APAF1: variants seen among roughly 807,000 people sequenced by gnomAD.
The protein encoded by APAF1 is apoptotic protease-activating factor 1.
APAF1 carries 91 observed loss-of-function variants against 152.4 expected under a neutral mutation model. The ratio of observed to expected loss-of-function variants is 0.60; its 90% CI spans 0.50 to 0.71. The LOEUF is 0.71. APAF1 is among the 30% of genes least tolerant of loss of function. The pLI is 0.00. For missense variants in APAF1, 1,283 were observed against 1,472.0 expected (o/e 0.87, Z 2.10); for synonymous variants, 484 against 494.1 (o/e 0.98, Z 0.27).
At chr12:98,711,648 T>C (rs2097728017) in intron 20 of APAF1, among the ~76,000 whole-genome samples, 1 of 152,236 alleles carries the variant, frequency 6.6e-6, no homozygotes, top group Non-Finnish European at 1.5e-5. Flanking sequence ...ACAACTGATT[T>C]AAGCTTGAGA....
intron 26 of APAF1, among the ~76,000 whole-genome samples, chr12:98,729,900 G>T (rs1020933002): frequency 3.3e-5 from 5 of 152,142 alleles, no homozygotes; most frequent in African/African-American, 1.2e-4. Context: ...AACAAAAGGA[G>T]TAATTTCTAG....
chr12:98,734,162 C>T lies in APAF1; in HGVS notation c.*1596C>T, dbSNP rs991055898. Reference sequence around the variant, plus strand: ...GTTTTCTGTGTAATTCCAGATGAGTCACTGTAACTCTAGAAGATTAACCTT... The same window carrying T: ...GTTTTCTGTGTAATTCCAGATGAGTTACTGTAACTCTAGAAGATTAACCTT... On this transcript the variant is annotated 3_prime_UTR_variant, in exon 27 of 27. Transcript: ENST00000551964. 6.6e-6 allele frequency: 1 copy of T among 152,166 alleles called. No homozygotes were observed. Among genetic ancestry groups the T allele is most frequent in the Admixed American group, 6.5e-5 (1 of 15,278 alleles). The allele number at this position is 152,166 out of a possible 1,614,324, so 9.4% of individuals were successfully genotyped here.
At chr12:98,681,205 G>T (rs2097691885) in intron 14 of APAF1, among the ~76,000 whole-genome samples, 1 of 152,076 alleles carries the variant, frequency 6.6e-6, no homozygotes, top group South Asian at 2.1e-4. Flanking sequence ...GAGATCACAG[G>T]TGTGCACCAC....
chr12:98,697,676 C>T (rs980197445), intron 16 of APAF1, among the ~76,000 whole-genome samples: 32 of 152,098 alleles, frequency 2.1e-4, no homozygotes, highest in African/African-American at 7.5e-4. Context: ...GCTTTCCCAC[C>T]GTGCTGTTAA....
intron 1 of APAF1, among the ~76,000 whole-genome samples, chr12:98,647,577 G>A (rs2097642981): frequency 1.3e-5 from 2 of 151,766 alleles, no homozygotes; most frequent in Admixed American, 1.3e-4. Flanking sequence ...TCACCATCTT[G>A]GCCAGGCTGG....
intron 19 of APAF1, among the ~76,000 whole-genome samples, chr12:98,707,366 CTGTT>C (rs1233674997): frequency 2.0e-5 from 3 of 152,144 alleles, no homozygotes; most frequent in East Asian, 3.9e-4. Flanking sequence ...ACCTGTATCT[CTGTT>C]TGTTGAAATC....
At position 98,667,134 on chromosome 12, in the gene APAF1, G is replaced by T. The variant is rs1190188458; in HGVS notation, c.1363-379G>T. Among the ~76,000 whole-genome samples the T allele has an allele frequency of 7.3e-5, 11 of 151,438 alleles. No homozygotes were observed. In the South Asian group the frequency reaches 1.5e-3, roughly 20 times the overall value. On this transcript the variant is annotated intron_variant, in intron 9 of 26. Coordinates refer to ENST00000551964, the MANE Select transcript of APAF1 (RefSeq NM_181861.2). The stretch of plus-strand genomic sequence containing the variant: ...TGTATTTTTTTTTTTTTGAGACAGG[G>T]TCTTACTGTGTTGCCCAGGCTGGCA...
intron 12 of APAF1, among the ~76,000 whole-genome samples, chr12:98,672,628 T>A (rs1024353749): frequency 1.3e-5 from 2 of 152,172 alleles, no homozygotes; most frequent in African/African-American, 2.4e-5. Context: ...ATCTTACCTT[T>A]CCTTATAAAA....
At chr12:98,705,803 A>G (rs187689494) in intron 18 of APAF1, among the ~76,000 whole-genome samples, 69 of 152,330 alleles carry the variant, frequency 4.5e-4, no homozygotes, top group Middle Eastern at 6.8e-3. Context: ...ATTAGTGGAA[A>G]ATAATCTGAA....
At chr12:98,721,611 T>A (rs756525296) in intron 22 of APAF1, among the ~76,000 whole-genome samples, 2 of 152,226 alleles carry the variant, frequency 1.3e-5, no homozygotes, top group Non-Finnish European at 2.9e-5. Context: ...TCTTAAAATA[T>A]GAAAATTACT....
chr12:98,725,564 G>T, intron 25 of APAF1, 24 bp downstream of exon 25: 1 of 1,613,870 alleles, frequency 6.2e-7, no homozygotes, highest in Non-Finnish European at 8.5e-7. Context: ...TGACATGAGA[G>T]CACTGCTCTT....
At chr12:98,713,046 T>C (rs1402245710) in intron 21 of APAF1, among the ~76,000 whole-genome samples, 1 of 152,182 alleles carries the variant, frequency 6.6e-6, no homozygotes, top group East Asian at 1.9e-4. Context: ...CTTAAACTCT[T>C]GGGCTCAAGT....
At chr12:98,727,096 A>G (rs2097751662) in intron 25 of APAF1, 77 bp from the exon 26 acceptor site, 1 of 1,327,332 alleles carries the variant, frequency 7.5e-7, no homozygotes, top group Non-Finnish European at 1.1e-6. Context: ...ATACATATAT[A>G]TGGACATATA....
In APAF1 at chr12:98,667,496, G is replaced by A. The variant is rs200330421; in HGVS notation, c.1363-17G>A. On this transcript the variant is annotated splice_polypyrimidine_tract_variant and intron_variant, in intron 9 of 26. Transcript: ENST00000551964. The stretch of plus-strand genomic sequence containing the variant: ...TAAAATTGTTTCTGGCTTCTGAAAC[G>A]TTTCATTGGGTTGCAGGATCTACAT... The A allele has an allele frequency of 1.6e-5, 26 of 1,612,426 alleles. 1 individual carries two copies. In the Admixed American group the frequency reaches 1.8e-4, roughly 11 times the overall value.
chr12:98,651,713 G>T (rs567875437), intron 4 of APAF1, among the ~76,000 whole-genome samples: 39 of 152,128 alleles, frequency 2.6e-4, no homozygotes, highest in African/African-American at 9.2e-4. Context: ...CAGGCTGAGT[G>T]CAGTGGCCAT....
intron 5 of APAF1, among the ~76,000 whole-genome samples, chr12:98,661,819 A>T (rs2097665775): frequency 6.6e-6 from 1 of 151,984 alleles, no homozygotes; most frequent in Non-Finnish European, 1.5e-5. Flanking sequence ...TTGTATAATT[A>T]TGCTATCAGG....
At chr12:98,702,731 A>G (rs2097716933) in intron 17 of APAF1, among the ~76,000 whole-genome samples, 1 of 151,894 alleles carries the variant, frequency 6.6e-6, no homozygotes. Flanking sequence ...AGGCTGAGGC[A>G]GGAGAATTGC....
chr12:98,654,432 TA>T (rs2097653743), intron 4 of APAF1, among the ~76,000 whole-genome samples: 1 of 152,200 alleles, frequency 6.6e-6, no homozygotes, highest in Non-Finnish European at 1.5e-5. Flanking sequence ...TATTTTATTT[TA>T]TTTTGAGACA....
Position 98,662,769 on chromosome 12 carries a change from G to T in APAF1, c.918G>T (p.Leu306Phe). ...SLFVNMKKADLPEQAHSIIKE... is the reference protein window; with the variant it reads ...SLFVNMKKADFPEQAHSIIKE... ...TTGTTAATATGAAGAAGGCAGATTTGCCAGAACAAGCTCATAGTATTATAA... is the reference window on the plus strand; with the variant it reads ...TTGTTAATATGAAGAAGGCAGATTTTCCAGAACAAGCTCATAGTATTATAA... The change falls in exon 7 of 27, where the codon TTG becomes TTT. Residue 306 changes from leucine to phenylalanine, a missense_variant. Physicochemically the swap from Leu to Phe is conservative, Grantham distance 22. Coordinates refer to ENST00000551964, the MANE Select transcript of APAF1 (RefSeq NM_181861.2). 6.2e-7 allele frequency: 1 copy of T among 1,611,408 alleles called. No individual in the cohort carries two copies. The highest frequency in any genetic ancestry group is 8.5e-7 in the Non-Finnish European group (1 of 1,178,746).
Sources: allele counts gnomAD v4.1 joint callset (sites outside exome capture counted in the v4.1 genomes callset), GRCh38; gene constraint gnomAD v4.1.1; transcripts MANE v1.5; gene names NCBI Gene and HGNC (gene_info 2026-07-23, HGNC 2026-07-21).